Variants in JAK2 observed in about 807,000 individuals in gnomAD.
JAK2 encodes tyrosine-protein kinase JAK2.
Under a neutral mutation model 139.3 loss-of-function variants are expected in JAK2, and 86 were observed. The ratio of observed to expected loss-of-function variants is 0.62; its 90% CI spans 0.52 to 0.74. The LOEUF (loss-of-function observed/expected upper bound fraction) is 0.74, where lower values mean the gene tolerates loss of function less well. Ranked by LOEUF, JAK2 falls within the 30% of genes least tolerant of loss-of-function variation. JAK2 has a pLI of 0.00. For missense variants in JAK2, 1,421 were observed against 1,360.3 expected (o/e 1.04, Z -0.70); for synonymous variants, 490 against 437.7 (o/e 1.12, Z -1.49).
At chr9:5,082,997 A>G (rs569988897) in intron 19 of JAK2, among the ~76,000 whole-genome samples, 5 of 152,240 alleles carry the variant, frequency 3.3e-5, no homozygotes, top group Non-Finnish European at 1.5e-5. Flanking sequence ...TCTTTTCCCT[A>G]TAACTGAAGA....
chr9:5,121,471 A>G (rs1823610772), intron 22 of JAK2, among the ~76,000 whole-genome samples: 1 of 152,136 alleles, frequency 6.6e-6, no homozygotes, highest in South Asian at 2.1e-4. Context: ...TCATATCTTC[A>G]TGACAGGAGG....
chr9:5,108,281 C>G (rs903718896), intron 22 of JAK2: 1 of 152,038 alleles, frequency 6.6e-6, no homozygotes, highest in Non-Finnish European at 1.5e-5. Context: ...TTTATATTTT[C>G]TTTGAAGCCA....
intron 22 of JAK2, chr9:5,094,739 C>T (rs1820852400): frequency 6.6e-6 from 1 of 152,142 alleles, no homozygotes; most frequent in Non-Finnish European, 1.5e-5. Context: ...TTGCCCTCTT[C>T]TTTATAGCAG....
chr9:5,104,532 A>C (rs1821796363), intron 22 of JAK2, among the ~76,000 whole-genome samples: 2 of 152,358 alleles, frequency 1.3e-5, no homozygotes, highest in African/African-American at 4.8e-5. Context: ...TCAATGGAAA[A>C]AGAGGGAATC....
intron 19 of JAK2, 99 bp downstream of exon 19, chr9:5,081,960 T>A: frequency 1.0e-6 from 1 of 986,454 alleles, no homozygotes; most frequent in Non-Finnish European, 1.5e-6. Context: ...TTTTAAGGAG[T>A]GCTTGTAGAA....
At chr9:5,067,634 A>G (rs957039701) in intron 10 of JAK2, among the ~76,000 whole-genome samples, 2 of 152,090 alleles carry the variant, frequency 1.3e-5, no homozygotes, top group African/African-American at 4.8e-5. Flanking sequence ...AGTACATTAT[A>G]TTCAAGTATG....
chr9:5,067,515 T>G (rs1818651092), intron 10 of JAK2, among the ~76,000 whole-genome samples: 1 of 152,220 alleles, frequency 6.6e-6, no homozygotes, highest in South Asian at 2.1e-4. Context: ...ATTTGGCATA[T>G]GTAGAGGGTA....
chr9:5,064,847 T>A (rs1242874230), intron 8 of JAK2, 36 bp from the exon 9 acceptor site: 2 of 1,453,722 alleles, frequency 1.4e-6, no homozygotes, highest in Non-Finnish European at 1.8e-6. Context: ...GTTGACTTTC[T>A]AAAAGGTGCT....
At chr9:5,018,420 C>G (rs927405202) in intron 2 of JAK2, among the ~76,000 whole-genome samples, 1 of 152,122 alleles carries the variant, frequency 6.6e-6, no homozygotes, top group Non-Finnish European at 1.5e-5. Context: ...ACTGCAGCCT[C>G]GACCTCCATG....
intron 22 of JAK2, among the ~76,000 whole-genome samples, chr9:5,095,333 A>G (rs941580330): frequency 6.6e-6 from 1 of 152,038 alleles, no homozygotes; most frequent in Non-Finnish European, 1.5e-5. Flanking sequence ...CTAGGAATAA[A>G]TATAGTAGTT....
intron 2 of JAK2, among the ~76,000 whole-genome samples, chr9:5,000,289 G>A (rs1172256985): frequency 1.3e-5 from 2 of 152,016 alleles, no homozygotes; most frequent in African/African-American, 4.8e-5. Context: ...TTTTGGTATA[G>A]AAATAACTGA....
intron 22 of JAK2, chr9:5,110,771 G>C: frequency 2.6e-6 from 1 of 390,718 alleles, no homozygotes; most frequent in Non-Finnish European, 5.0e-6. Flanking sequence ...GGCCATGCAG[G>C]AGTGGTAAGG....
rs1284074113 is a variant in JAK2, at chr9:5,126,797, A to C, written c.*6A>C. The stretch of plus-strand genomic sequence containing the variant: ...GGGATAACATGGCTGGATGAAAGAA[A>C]TGACCTTCATTCTGAGACCAAAGTA... On this transcript the variant is annotated 3_prime_UTR_variant, in exon 25 of 25. Coordinates refer to ENST00000381652, the MANE Select transcript of JAK2 (RefSeq NM_004972.4). 5 of 1,569,982 alleles carry C rather than the reference A, an allele frequency of 3.2e-6. No homozygotes were observed. Among genetic ancestry groups the C allele is most frequent in the Non-Finnish European group, 3.5e-6 (4 of 1,143,114 alleles).
At chr9:5,047,484 T>C (rs960850364) in intron 5 of JAK2, among the ~76,000 whole-genome samples, 2 of 152,368 alleles carry the variant, frequency 1.3e-5, no homozygotes, top group Non-Finnish European at 2.9e-5. Flanking sequence ...TGAACAACTT[T>C]TAATTAATTC....
chr9:5,085,170 C>A (rs1048556198), intron 19 of JAK2: 2 of 650,980 alleles, frequency 3.1e-6, no homozygotes, highest in South Asian at 1.4e-5. Context: ...CTACATCTCC[C>A]GGCAAACTGA....
At chr9:5,095,147 C>T (rs1453474000) in intron 22 of JAK2, 1 of 151,910 alleles carries the variant, frequency 6.6e-6, no homozygotes, top group Admixed American at 6.6e-5. Context: ...ACCTATTAAA[C>T]CATATCCTAA....
At chr9:5,008,525 G>A (rs1022748740) in intron 2 of JAK2, among the ~76,000 whole-genome samples, 9 of 152,126 alleles carry the variant, frequency 5.9e-5, no homozygotes, top group African/African-American at 1.9e-4. Context: ...AATGATAGTT[G>A]AGCAGCACTA....
intron 2 of JAK2, among the ~76,000 whole-genome samples, chr9:5,005,677 G>T (rs117012240): frequency 4.6e-5 from 7 of 152,236 alleles, no homozygotes; most frequent in Non-Finnish European, 1.0e-4. Context: ...CTCATTTTAA[G>T]AATGTGGGTA....
chr9:5,026,013 T>C (rs1187236302), intron 3 of JAK2, among the ~76,000 whole-genome samples: 2 of 152,184 alleles, frequency 1.3e-5, no homozygotes, highest in East Asian at 3.8e-4. Context: ...CTGTGCCTCT[T>C]TTTTTCTTAT....
Sources: allele counts gnomAD v4.1 joint callset (sites outside exome capture counted in the v4.1 genomes callset), GRCh38; gene constraint gnomAD v4.1.1; transcripts MANE v1.5; gene names NCBI Gene and HGNC (gene_info 2026-07-23, HGNC 2026-07-21).